Variants in KALRN observed in about 807,000 individuals in gnomAD.
KALRN encodes the protein kalirin.
In KALRN, 70 loss-of-function variants were observed where a neutral mutation model predicts 353.7. The observed-to-expected ratio is 0.20, with a 90% confidence interval of 0.16 to 0.24. KALRN has a LOEUF of 0.24. Ranked by LOEUF, KALRN falls within the 10% of genes least tolerant of loss-of-function variation. The pLI, the probability that KALRN is intolerant of heterozygous loss-of-function variation, is 1.00. For missense variants in KALRN, 2,791 were observed against 3,756.7 expected, an observed-to-expected ratio of 0.74 and a Z score of 6.72; for synonymous variants, 1,391 against 1,434.8, an observed-to-expected ratio of 0.97 and a Z score of 0.69.
At chr3:124,134,744 A>T (rs1400094493) in intron 1 of KALRN, among the ~76,000 whole-genome samples, 1 of 152,234 alleles carries the variant, frequency 6.6e-6, no homozygotes, top group Non-Finnish European at 1.5e-5. Context: ...TCAAAAGAAG[A>T]TACACAAATG....
intron 15 of KALRN, among the ~76,000 whole-genome samples, chr3:124,425,020 T>G (rs2092953060): frequency 6.6e-6 from 1 of 151,916 alleles, no homozygotes; most frequent in African/African-American, 2.4e-5. Context: ...CAACATTATG[T>G]GAAGTGAAAT....
intron 25 of KALRN, among the ~76,000 whole-genome samples, chr3:124,472,071 A>T (rs1346207959): frequency 1.3e-5 from 2 of 151,710 alleles, no homozygotes; most frequent in Non-Finnish European, 2.9e-5. Context: ...CTTCCTGAGG[A>T]TTTTCAAATT....
At chr3:124,598,132 C>T (rs1262571043) in intron 34 of KALRN, among the ~76,000 whole-genome samples, 3 of 152,194 alleles carry the variant, frequency 2.0e-5, no homozygotes, top group Non-Finnish European at 4.4e-5. Context: ...CCCACAGTGG[C>T]CACTTGTTTC....
chr3:124,517,182 T>C (rs142374746), intron 33 of KALRN, among the ~76,000 whole-genome samples: 1 of 152,348 alleles, frequency 6.6e-6, no homozygotes, highest in East Asian at 1.9e-4. Context: ...CCAGTCCTTT[T>C]GCTGTGAGTT....
At chr3:124,131,034 A>G (rs1447169561) in intron 1 of KALRN, among the ~76,000 whole-genome samples, 1 of 152,186 alleles carries the variant, frequency 6.6e-6, no homozygotes, top group Non-Finnish European at 1.5e-5. Context: ...ATATTAGTGT[A>G]TAACATATGC....
chr3:124,326,080 T>A lies in KALRN; in HGVS notation c.1193T>A (p.Leu398Gln). The change falls in exon 7 of 60, where the codon CTG becomes CAG. Residue 398 changes from leucine to glutamine, a missense_variant. Coordinates refer to ENST00000682506, the MANE Select transcript of KALRN (RefSeq NM_001388419.1). ...SQQIKQISTQ[L>Q]DQEWKSFAAA... ...CAAATCAAGCAGATCTCCACCCAGC[T>A]GGACCAGGAGTGGAAGAGCTTCGCT... is the stretch of plus-strand genomic sequence containing the variant. 6.2e-7 allele frequency: 1 copy of A among 1,613,896 alleles called. No homozygotes were observed. The highest frequency in any genetic ancestry group is 8.5e-7 in the Non-Finnish European group (1 of 1,179,866).
intron 57 of KALRN, among the ~76,000 whole-genome samples, chr3:124,712,547 G>A (rs933944639): frequency 1.1e-4 from 17 of 150,966 alleles, no homozygotes; most frequent in African/African-American, 2.4e-4. Flanking sequence ...TAATCCCAGC[G>A]CTTTGGGAGG....
At chr3:124,455,129 C>A (rs775626187) in intron 21 of KALRN, 48 bp from the exon 22 acceptor site, 13 of 1,597,786 alleles carry the variant, frequency 8.1e-6, no homozygotes, top group Admixed American at 1.7e-5. Flanking sequence ...GGTGAAGGGG[C>A]AGGAGAATAA....
chr3:124,245,483 C>T (rs984429174), intron 3 of KALRN, among the ~76,000 whole-genome samples: 4 of 152,096 alleles, frequency 2.6e-5, no homozygotes, highest in African/African-American at 9.7e-5. Context: ...CACAGATTTC[C>T]TTTCTTTTGG....
At chr3:124,152,346 T>G (rs1292667229) in intron 1 of KALRN, 26 of 1,222,836 alleles carry the variant, frequency 2.1e-5, no homozygotes, top group African/African-American at 2.9e-5. Flanking sequence ...CATTGAAGAT[T>G]TGACGAAGGC....
At chr3:124,654,904 A>G (rs1453942376) in intron 38 of KALRN, among the ~76,000 whole-genome samples, 1 of 152,256 alleles carries the variant, frequency 6.6e-6, no homozygotes, top group Non-Finnish European at 1.5e-5. Context: ...GGTAGAAAGA[A>G]TTAACAAGAA....
At chr3:124,642,806 G>GTTTTTTTTTTGTTGTTGTTTGTTTTTTT (rs1553707031) in intron 37 of KALRN, among the ~76,000 whole-genome samples, 1 of 96,840 alleles carries the variant, frequency 1.0e-5, no homozygotes, top group African/African-American at 4.5e-5. Flanking sequence ...CCCAAGCCTC[G>GTTTTTTTTTTGTTGTTGTTTGTTTTTTT]TTTTTTTTTT....
rs1294697338 is a variant in KALRN, at chr3:124,490,800, C to T, written c.4503C>T (p.Phe1501=). ...GGAAGGGGCGGGAGCGGCACTTGTT[C>T]CTCTTTGAGATCTCCTTGGTTTTTA... is the stretch of plus-strand genomic sequence containing the variant. ...LIRKGRERHL[F]LFEISLVFSK... The change falls in exon 30 of 60, where the codon TTC becomes TTT. Residue 1501 remains phenylalanine, a synonymous_variant. Transcript: ENST00000682506. The T allele has an allele frequency of 6.2e-7, 1 of 1,614,000 alleles. No homozygotes were observed. Among genetic ancestry groups the T allele is most frequent in the Admixed American group, 1.7e-5 (1 of 60,012 alleles).
intron 1 of KALRN, among the ~76,000 whole-genome samples, chr3:124,044,506 C>T (rs1482145238): frequency 1.3e-5 from 2 of 150,954 alleles, no homozygotes; most frequent in African/African-American, 4.9e-5. Flanking sequence ...CCCAGCTACT[C>T]AAGAGGCTGA....
intron 1 of KALRN, among the ~76,000 whole-genome samples, chr3:124,127,172 G>A (rs2064784587): frequency 1.3e-5 from 2 of 152,108 alleles, no homozygotes. Flanking sequence ...CCTTTAATTT[G>A]CGACTCTATT....
intron 32 of KALRN, 62 bp from the exon 33 acceptor site, chr3:124,496,249 G>T (rs771155638): frequency 1.3e-5 from 16 of 1,265,334 alleles, no homozygotes; most frequent in Non-Finnish European, 1.7e-5. Context: ...ATCCTTGTGT[G>T]CTCTAAACCC....
Position 124,540,463 on chromosome 3 carries a change from A to G in KALRN, c.4936-22380A>G, listed in dbSNP as rs1046001042. ...GGAGTTTTTTAGACATAATATGATA[A>G]CATGGTTACCATAGGTGTAAGGTGA... On this transcript the variant is annotated intron_variant, in intron 33 of 59. Transcript: ENST00000682506. Among the ~76,000 whole-genome samples, 20 of 152,270 alleles carry G rather than the reference A, an allele frequency of 1.3e-4. No individual in the cohort carries two copies. In the East Asian group the frequency reaches 2.5e-3, roughly 19 times the overall value.
chr3:124,582,971 A>G (rs561012428), intron 34 of KALRN, among the ~76,000 whole-genome samples: 3 of 152,262 alleles, frequency 2.0e-5, no homozygotes, highest in South Asian at 4.1e-4. Flanking sequence ...TATTATTTGT[A>G]GAGACAGGGC....
intron 10 of KALRN, among the ~76,000 whole-genome samples, chr3:124,364,039 C>G (rs1362173168): frequency 6.6e-6 from 1 of 152,212 alleles, no homozygotes; most frequent in Non-Finnish European, 1.5e-5. Context: ...CAAGGGAGTG[C>G]TACAGTGCTT....
Sources: gnomAD v4.1 joint callset for allele counts (sites outside exome capture counted in the v4.1 genomes callset) on GRCh38, gnomAD v4.1.1 for gene constraint, MANE v1.5 for transcripts, NCBI Gene and HGNC (gene_info 2026-07-23, HGNC 2026-07-21) for gene names.